The following GRIK1 variants were observed in gnomAD, a reference collection of about 807,000 sequenced individuals.
GRIK1 encodes glutamate receptor ionotropic, kainate 1.
A neutral mutation model predicts 105.7 loss-of-function variants in GRIK1; 69 were observed. The ratio of observed to expected loss-of-function variants is 0.65; its 90% CI spans 0.54 to 0.80. The LOEUF (loss-of-function observed/expected upper bound fraction) is 0.80, where lower values mean the gene tolerates loss of function less well. GRIK1 is among the 30% of genes least tolerant of loss of function. GRIK1 has a pLI of 0.00. For synonymous variants in GRIK1, 438 were observed against 431.3 expected (o/e 1.02, Z -0.19); for missense variants, 1,109 against 1,167.3 (o/e 0.95, Z 0.73).
intron 1 of GRIK1, among the ~76,000 whole-genome samples, chr21:29,888,516 T>G (rs1165455700): frequency 2.0e-5 from 3 of 151,856 alleles, no homozygotes; most frequent in Admixed American, 6.6e-5. Context: ...TCCACCCATC[T>G]CAGCCTCCCA....
intron 12 of GRIK1, among the ~76,000 whole-genome samples, 176 bp downstream of exon 12, chr21:29,587,190 A>G (rs1200959865): frequency 6.6e-6 from 1 of 152,220 alleles, no homozygotes; most frequent in Non-Finnish European, 1.5e-5. Context: ...AACTTTATAA[A>G]TAATTAGAAA....
intron 1 of GRIK1, among the ~76,000 whole-genome samples, chr21:29,926,388 C>T (rs1167126121): frequency 2.0e-5 from 3 of 152,138 alleles, no homozygotes; most frequent in African/African-American, 7.2e-5. Context: ...TACTACTTCT[C>T]ATTCATTCAA....
At chr21:29,634,094 A>G (rs1334806160) in intron 7 of GRIK1, among the ~76,000 whole-genome samples, 2 of 152,178 alleles carry the variant, frequency 1.3e-5, no homozygotes, top group African/African-American at 2.4e-5. Flanking sequence ...CCCAGATCCC[A>G]TACAAAATCA....
chr21:29,602,435 C>T (rs1048949592), intron 7 of GRIK1, among the ~76,000 whole-genome samples: 1 of 152,160 alleles, frequency 6.6e-6, no homozygotes, highest in Admixed American at 6.5e-5. Flanking sequence ...GCTGAGAATA[C>T]AGCCCCTAGA....
intron 1 of GRIK1, among the ~76,000 whole-genome samples, chr21:29,741,392 T>C (rs978452634): frequency 1.3e-5 from 2 of 152,154 alleles, no homozygotes; most frequent in African/African-American, 2.4e-5. Flanking sequence ...AATCGTCACA[T>C]TTTAAAAGGG....
intron 1 of GRIK1, among the ~76,000 whole-genome samples, chr21:29,900,937 T>C (rs987913411): frequency 6.6e-6 from 1 of 152,112 alleles, no homozygotes; most frequent in Non-Finnish European, 1.5e-5. Flanking sequence ...CAACAAACTG[T>C]CTCTCAGACC....
At chr21:29,785,751 A>G (rs1197477084) in intron 1 of GRIK1, among the ~76,000 whole-genome samples, 1 of 152,118 alleles carries the variant, frequency 6.6e-6, no homozygotes, top group Non-Finnish European at 1.5e-5. Flanking sequence ...GCTTAATATA[A>G]CAGAAACGTA....
chr21:29,928,642 G>T (rs907552511), intron 1 of GRIK1, among the ~76,000 whole-genome samples: 1 of 152,184 alleles, frequency 6.6e-6, no homozygotes, highest in African/African-American at 2.4e-5. Flanking sequence ...CCAAAGAGGC[G>T]CTGGGTAAGC....
intron 13 of GRIK1, among the ~76,000 whole-genome samples, chr21:29,579,348 A>C (rs363486): frequency 6.6e-6 from 1 of 152,126 alleles, no homozygotes; most frequent in Non-Finnish European, 1.5e-5. Flanking sequence ...TGATTTGTGT[A>C]AGTTTAGTAC....
chr21:29,818,916 A>T, intron 1 of GRIK1, among the ~76,000 whole-genome samples: 1 of 152,072 alleles, frequency 6.6e-6, no homozygotes, highest in East Asian at 1.9e-4. Flanking sequence ...TTTGTTCACT[A>T]GCCTGGCATA....
chr21:29,590,711 G>A (rs2061320829), intron 10 of GRIK1, among the ~76,000 whole-genome samples: 1 of 152,144 alleles, frequency 6.6e-6, no homozygotes. Flanking sequence ...AAAGTCAGAG[G>A]TTCTGAAAAA....
chr21:29,566,780 C>G (rs2090620791), intron 14 of GRIK1, among the ~76,000 whole-genome samples: 1 of 152,112 alleles, frequency 6.6e-6, no homozygotes, highest in Admixed American at 6.6e-5. Flanking sequence ...TATTATTTCT[C>G]TTTTATAGAT....
At chr21:29,815,240 C>T (rs1178117817) in intron 1 of GRIK1, among the ~76,000 whole-genome samples, 1 of 152,154 alleles carries the variant, frequency 6.6e-6, no homozygotes, top group African/African-American at 2.4e-5. Flanking sequence ...CTCATGGAAG[C>T]TCTGGAGTCT....
intron 1 of GRIK1, among the ~76,000 whole-genome samples, chr21:29,849,975 A>G (rs1484782678): frequency 1.3e-5 from 2 of 152,060 alleles, no homozygotes; most frequent in African/African-American, 4.8e-5. Context: ...ACCCTCTCAT[A>G]TGTGTGTGGA....
rs111962572 is a variant in GRIK1 at position 29,813,900 on chromosome 21, C to T, written c.119-119837G>A. Among the ~76,000 whole-genome samples the T allele has an allele frequency of 6.2e-3, 925 of 149,664 alleles. 11 individuals carry two copies. Among genetic ancestry groups the T allele is most frequent in the African/African-American group, 0.021 (868 of 40,938 alleles). ...TAAACACTGAGGCCACGGGTTAGAC[C>T]CCAAGAAACATTCTTTTTTTTTTTT... On this transcript the variant is annotated intron_variant, in intron 1 of 17. Coordinates refer to ENST00000327783, the MANE Select transcript of GRIK1 (RefSeq NM_001330994.2).
chr21:29,875,870 C>T (rs917241643), intron 1 of GRIK1, among the ~76,000 whole-genome samples: 1 of 152,066 alleles, frequency 6.6e-6, no homozygotes, highest in East Asian at 1.9e-4. Context: ...TCATAATTGT[C>T]TTCTTTATGA....
intron 1 of GRIK1, among the ~76,000 whole-genome samples, chr21:29,825,013 T>C (rs1302364425): frequency 6.6e-6 from 1 of 152,028 alleles, no homozygotes; most frequent in Non-Finnish European, 1.5e-5. Flanking sequence ...TATCCAATTA[T>C]AGGAAAATGT....
At chr21:29,853,536 G>T (rs1205484504) in intron 1 of GRIK1, among the ~76,000 whole-genome samples, 1 of 152,196 alleles carries the variant, frequency 6.6e-6, no homozygotes, top group Non-Finnish European at 1.5e-5. Flanking sequence ...AGTAGTAAAA[G>T]TATTTACTAA....
At chr21:29,931,945 G>T (rs2071581801) in intron 1 of GRIK1, among the ~76,000 whole-genome samples, 2 of 152,088 alleles carry the variant, frequency 1.3e-5, no homozygotes, top group South Asian at 4.2e-4. Flanking sequence ...TGAACTCTTA[G>T]TCTCCAAATT....
Sources: gnomAD v4.1 joint callset for allele counts (sites outside exome capture counted in the v4.1 genomes callset) on GRCh38, gnomAD v4.1.1 for gene constraint, MANE v1.5 for transcripts, NCBI Gene and HGNC (gene_info 2026-07-23, HGNC 2026-07-21) for gene names.